CAMTA1: variants seen among roughly 807,000 people sequenced by gnomAD.
CAMTA1 encodes the protein calmodulin binding transcription activator 1.
In CAMTA1, 27 loss-of-function variants were observed where a neutral mutation model predicts 170.9. The ratio of observed to expected loss-of-function variants is 0.16; its 90% confidence interval spans 0.12 to 0.22. The LOEUF is 0.22. Among genes scored for constraint, CAMTA1 ranks in the 10% least tolerant of loss-of-function variants. The pLI is 1.00. For synonymous variants in CAMTA1, 833 were observed against 891.5 expected, an observed-to-expected ratio of 0.93 and a Z score of 1.17; for missense variants, 1,619 against 2,217.2, an observed-to-expected ratio of 0.73 and a Z score of 5.42.
At chr1:6,806,048 A>G (rs1258625598) in intron 1 of CAMTA1, among the ~76,000 whole-genome samples, 2 of 152,166 alleles carry the variant, frequency 1.3e-5, no homozygotes, top group East Asian at 3.8e-4. Flanking sequence ...ACACAGTGTG[A>G]GGTAGGCTTC....
At chr1:6,905,518 A>T (rs1303629096) in intron 3 of CAMTA1, among the ~76,000 whole-genome samples, 2 of 150,280 alleles carry the variant, frequency 1.3e-5, no homozygotes, top group African/African-American at 2.4e-5. Flanking sequence ...TTTACCATCC[A>T]CCTCTGTCTT....
rs1646192268 is a variant in CAMTA1 at position 7,146,506 on chromosome 1, T to C, written c.302+55135T>C. The stretch of plus-strand genomic sequence containing the variant: ...TGCTGAGAACCAGTTAGGTGAATTC[T>C]GTGCTGGTGGACACTGCCGCCCAGC... On this transcript the variant is annotated intron_variant, in intron 4 of 22. Transcript: ENST00000303635. The surrounding 1 kb of genome is among the most constrained non-coding windows in gnomAD (Gnocchi z 4.3). 6.6e-6 allele frequency among the ~76,000 whole-genome samples: 1 copy of C among 152,204 alleles called. No homozygotes were observed. The highest frequency in any genetic ancestry group is 2.4e-5 in the African/African-American group (1 of 41,456).
chr1:7,697,167 C>T (rs1416492580), intron 11 of CAMTA1, among the ~76,000 whole-genome samples: 2 of 152,192 alleles, frequency 1.3e-5, no homozygotes, highest in African/African-American at 4.8e-5. Context: ...GGCAGGAAGG[C>T]ATCTGCCACC....
In CAMTA1 at chr1:7,664,290, G is replaced by A. The variant is rs1208262553; in HGVS notation, c.1743G>A (p.Leu581=). ...GCGGCCTGAGTCCCAGCACCACCCT[G>A]GAGCAGATGGACTTCAGCGCCATCG... The part of the protein sequence containing the change: ...SGGGLSPSTT[L]EQMDFSAIDS... Residue 581 remains leucine, a synonymous_variant, in exon 9 of 23, where the codon CTG becomes CTA. Coordinates refer to ENST00000303635, the MANE Select transcript of CAMTA1 (RefSeq NM_015215.4). 1 of 1,612,898 alleles carries A rather than the reference G, an allele frequency of 6.2e-7. No individual in the cohort carries two copies. The highest frequency in any genetic ancestry group is 1.7e-5 in the Admixed American group (1 of 60,016).
At chr1:7,030,642 T>A (rs1405758893) in intron 3 of CAMTA1, among the ~76,000 whole-genome samples, 1 of 152,252 alleles carries the variant, frequency 6.6e-6, no homozygotes, top group Non-Finnish European at 1.5e-5. Context: ...GAGAATATAC[T>A]GATAAATGAA....
chr1:7,605,793 A>T (rs1223865937), intron 6 of CAMTA1, among the ~76,000 whole-genome samples: 1 of 152,202 alleles, frequency 6.6e-6, no homozygotes, highest in Admixed American at 6.5e-5. Flanking sequence ...GGAGCTGTAG[A>T]CTGGAGCTGT....
intron 11 of CAMTA1, among the ~76,000 whole-genome samples, chr1:7,715,124 A>G (rs1039777268): frequency 7.9e-5 from 12 of 152,158 alleles, no homozygotes; most frequent in African/African-American, 2.9e-4. Flanking sequence ...CACCTCACAC[A>G]GGATTGTTAC....
At chr1:6,956,938 C>T (rs1048806149) in intron 3 of CAMTA1, among the ~76,000 whole-genome samples, 16 of 152,290 alleles carry the variant, frequency 1.1e-4, no homozygotes, top group African/African-American at 3.4e-4. Flanking sequence ...TAGTAGCGGT[C>T]GGGCCAGCAT....
chr1:7,094,152 T>C (rs1641797715), intron 4 of CAMTA1, among the ~76,000 whole-genome samples: 1 of 152,184 alleles, frequency 6.6e-6, no homozygotes, highest in Non-Finnish European at 1.5e-5. Flanking sequence ...TATTATAATA[T>C]CCACTCCATG....
At chr1:7,457,485 C>T (rs74055731) in intron 5 of CAMTA1, among the ~76,000 whole-genome samples, 15,437 of 152,010 alleles carry the variant, frequency 0.1, 930 homozygotes, top group African/African-American at 0.16. Context: ...TAGGTTAGGT[C>T]CCCTGCCCCT....
chr1:7,312,859 A>T (rs988647885), intron 5 of CAMTA1, among the ~76,000 whole-genome samples: 2 of 151,242 alleles, frequency 1.3e-5, no homozygotes, highest in Non-Finnish European at 2.9e-5. Flanking sequence ...CTCTGCTTTG[A>T]GTTTTTGTTT....
intron 5 of CAMTA1, among the ~76,000 whole-genome samples, chr1:7,292,928 C>T (rs546726826): frequency 2.6e-5 from 4 of 152,230 alleles, no homozygotes; most frequent in African/African-American, 9.6e-5. Context: ...TAGGCCACCC[C>T]AGCGCCACCT....
At chr1:7,405,970 C>G (rs1489449750) in intron 5 of CAMTA1, among the ~76,000 whole-genome samples, 2 of 152,176 alleles carry the variant, frequency 1.3e-5, no homozygotes, top group Admixed American at 6.5e-5. Context: ...GAGGGTGAGC[C>G]CTACCGTCTG....
intron 3 of CAMTA1, among the ~76,000 whole-genome samples, chr1:6,937,694 A>G (rs1571876251): frequency 6.6e-6 from 1 of 151,578 alleles, no homozygotes; most frequent in African/African-American, 2.4e-5. Flanking sequence ...CACCATCACC[A>G]TTCACCACTT....
chr1:7,725,475 T>A (rs2096678581), intron 11 of CAMTA1, among the ~76,000 whole-genome samples: 2 of 152,194 alleles, frequency 1.3e-5, no homozygotes, highest in African/African-American at 4.8e-5. Context: ...GTGCACCCAG[T>A]TATTGTCAAC....
intron 4 of CAMTA1, among the ~76,000 whole-genome samples, chr1:7,236,710 C>G (rs1159031651): frequency 6.6e-6 from 1 of 152,212 alleles, no homozygotes; most frequent in Non-Finnish European, 1.5e-5. Flanking sequence ...GGCACAAGGT[C>G]CATGCAGAAT....
intron 3 of CAMTA1, among the ~76,000 whole-genome samples, chr1:6,899,567 C>G (rs1676475768): frequency 1.3e-5 from 2 of 148,920 alleles, no homozygotes; most frequent in Non-Finnish European, 2.9e-5. Flanking sequence ...CACACACACA[C>G]ACACACACAC....
chr1:7,391,239 T>C (rs1044150559), intron 5 of CAMTA1, among the ~76,000 whole-genome samples: 1 of 152,058 alleles, frequency 6.6e-6, no homozygotes. Context: ...TCAGGTGATC[T>C]GCCCACCTCG....
At chr1:6,933,341 C>T (rs913303806) in intron 3 of CAMTA1, among the ~76,000 whole-genome samples, 32 of 152,130 alleles carry the variant, frequency 2.1e-4, no homozygotes, top group Non-Finnish European at 2.1e-4. Flanking sequence ...CTCACTGCAA[C>T]GTCCACCTCC....
Sources: gnomAD v4.1 joint callset for allele counts (sites outside exome capture counted in the v4.1 genomes callset) on GRCh38, gnomAD v4.1.1 for gene constraint, Gnocchi (gnomAD v3.1) non-coding constraint, MANE v1.5 for transcripts, NCBI Gene and HGNC (gene_info 2026-07-23, HGNC 2026-07-21) for gene names.